Variants in PDE7B observed in about 807,000 individuals in gnomAD.
PDE7B encodes phosphodiesterase 7B, also known as 3',5'-cyclic-AMP phosphodiesterase 7B.
In PDE7B, 29 loss-of-function variants were observed where a neutral mutation model predicts 56.2. The observed-to-expected ratio is 0.52, with a 90% CI of 0.38 to 0.70. The LOEUF (loss-of-function observed/expected upper bound fraction) is 0.70. Ranked by LOEUF, PDE7B falls within the 30% of genes least tolerant of loss-of-function variation. The probability of loss-of-function intolerance (pLI) is 0.00; values close to 1 mark genes in which losing one functional copy is unlikely to be tolerated. For synonymous variants in PDE7B, 197 were observed against 196.9 expected (o/e 1.00, Z 0.00); for missense variants, 490 against 565.0 (o/e 0.87, Z 1.35).
chr6:136,063,811 C>G (rs771595377), intron 2 of PDE7B, among the ~76,000 whole-genome samples: 1 of 152,116 alleles, frequency 6.6e-6, no homozygotes, highest in Non-Finnish European at 1.5e-5. Context: ...CATATCCAAC[C>G]CTCTCATTTC....
At chr6:135,968,882 A>G (rs1390319307) in intron 2 of PDE7B, among the ~76,000 whole-genome samples, 1 of 152,228 alleles carries the variant, frequency 6.6e-6, no homozygotes, top group Non-Finnish European at 1.5e-5. Context: ...AGATGAAATC[A>G]ACCCAAATGT....
At chr6:135,899,639 T>G (rs1422069262) in intron 1 of PDE7B, among the ~76,000 whole-genome samples, 1 of 151,934 alleles carries the variant, frequency 6.6e-6, no homozygotes, top group Non-Finnish European at 1.5e-5. Flanking sequence ...TATATTTATT[T>G]GTATGTGTAG....
chr6:136,176,662 G>C (rs1367151579), intron 9 of PDE7B, among the ~76,000 whole-genome samples: 1 of 152,018 alleles, frequency 6.6e-6, no homozygotes, highest in Admixed American at 6.6e-5. Flanking sequence ...TAGATGGACT[G>C]TTGGTCAGAT....
At chr6:136,181,941 G>A (rs1331769258) in intron 11 of PDE7B, among the ~76,000 whole-genome samples, 1 of 152,194 alleles carries the variant, frequency 6.6e-6, no homozygotes, top group East Asian at 1.9e-4. Context: ...TTAGCAAGCA[G>A]GATCTTGATG....
intron 2 of PDE7B, among the ~76,000 whole-genome samples, chr6:136,052,444 C>T (rs1430349568): frequency 6.6e-6 from 1 of 152,122 alleles, no homozygotes; most frequent in Non-Finnish European, 1.5e-5. Context: ...AGAGGTGAAC[C>T]AGCTGGGGAG....
At chr6:136,150,716 T>C (rs551774758) in intron 5 of PDE7B, among the ~76,000 whole-genome samples, 8 of 152,348 alleles carry the variant, frequency 5.3e-5, no homozygotes, top group African/African-American at 1.7e-4. Flanking sequence ...TGATTTTCCA[T>C]AGGAAGAAGA....
chr6:136,094,664 T>G (rs1419094520), intron 2 of PDE7B: 4 of 152,248 alleles, frequency 2.6e-5, no homozygotes, highest in Admixed American at 2.6e-4. Context: ...TAGAGGGCAA[T>G]TTACTTATTG....
chr6:135,948,656 CTA>C (rs1294761462), intron 2 of PDE7B, among the ~76,000 whole-genome samples: 2 of 151,684 alleles, frequency 1.3e-5, no homozygotes, highest in Non-Finnish European at 2.9e-5. Flanking sequence ...CTTTGCAGTT[CTA>C]TGTTTTTATT....
rs192947582 is a variant in PDE7B at position 135,853,736 on chromosome 6, T to A, written c.21+1717T>A. Among the ~76,000 whole-genome samples, 422 of 152,058 alleles carry A rather than the reference T, an allele frequency of 2.8e-3. 1 individual carries two copies. Among genetic ancestry groups the A allele is most frequent in the African/African-American group, 9.9e-3 (408 of 41,378 alleles). Reference sequence around the variant, plus strand: ...AATTAGCTGGGAGAATTTTTTTTTTTAATTAAGTTATTTAGGGCAAGGGTG... The same window carrying A: ...AATTAGCTGGGAGAATTTTTTTTTTAAATTAAGTTATTTAGGGCAAGGGTG... On this transcript the variant is annotated intron_variant, in intron 1 of 12. Transcript: ENST00000308191.
chr6:135,875,232 C>G (rs2128187516), intron 1 of PDE7B, among the ~76,000 whole-genome samples: 1 of 151,820 alleles, frequency 6.6e-6, no homozygotes, highest in Non-Finnish European at 1.5e-5. Context: ...TTTATTTATT[C>G]ACATCTAACT....
intron 2 of PDE7B, among the ~76,000 whole-genome samples, chr6:136,057,894 G>A (rs1032994845): frequency 6.6e-6 from 1 of 151,922 alleles, no homozygotes; most frequent in African/African-American, 2.4e-5. Flanking sequence ...GCACCACCTC[G>A]CCTGACTAAT....
At chr6:135,984,216 T>C (rs1269822021) in intron 2 of PDE7B, among the ~76,000 whole-genome samples, 2 of 152,228 alleles carry the variant, frequency 1.3e-5, no homozygotes, top group Non-Finnish European at 2.9e-5. Flanking sequence ...GTGACGCATA[T>C]TGGAGTCTCT....
intron 1 of PDE7B, among the ~76,000 whole-genome samples, chr6:135,900,835 G>C (rs1345273126): frequency 6.6e-6 from 1 of 151,988 alleles, no homozygotes; most frequent in Non-Finnish European, 1.5e-5. Context: ...TTTCAGTGTT[G>C]ATCGTGGCAG....
intron 9 of PDE7B, 27 bp downstream of exon 9, chr6:136,173,915 T>G: frequency 6.7e-7 from 1 of 1,485,816 alleles, no homozygotes; most frequent in Non-Finnish European, 9.4e-7. Flanking sequence ...TGAAACATAC[T>G]GATGTGCATG....
chr6:136,142,277 C>G (rs1002059495), intron 3 of PDE7B, among the ~76,000 whole-genome samples: 7 of 152,282 alleles, frequency 4.6e-5, no homozygotes, highest in African/African-American at 1.4e-4. Context: ...GAGTGAGTTT[C>G]TTAATCCTGA....
chr6:136,139,572 T>C (rs974702640), intron 3 of PDE7B, among the ~76,000 whole-genome samples: 2 of 152,182 alleles, frequency 1.3e-5, no homozygotes, highest in African/African-American at 4.8e-5. Flanking sequence ...TTGAACTAGT[T>C]TACAGTCCCA....
At chr6:135,919,666 C>A (rs994096345) in intron 1 of PDE7B, among the ~76,000 whole-genome samples, 1 of 152,174 alleles carries the variant, frequency 6.6e-6, no homozygotes, top group Non-Finnish European at 1.5e-5. Context: ...AGAAGCAGCA[C>A]AAAATAGAAG....
chr6:136,106,026 A>G lies in PDE7B; in HGVS notation c.83-2705A>G, dbSNP rs1006004598. ...TCCACAAGCCCAGCCAGCTTTGTAG[A>G]TAAAATCTATACAGTTCCTCTTTGG... On this transcript the variant is annotated intron_variant, in intron 2 of 12. Coordinates refer to ENST00000308191, the MANE Select transcript of PDE7B (RefSeq NM_018945.4). Among the ~76,000 whole-genome samples the G allele has an allele frequency of 9.9e-5, 15 of 152,020 alleles. No individual in the cohort carries two copies. In the South Asian group the frequency reaches 1.5e-3, roughly 15 times the overall value.
intron 1 of PDE7B, among the ~76,000 whole-genome samples, chr6:135,935,218 T>TATTTATATATATATATATATATATA (rs1457746105): frequency 2.9e-5 from 1 of 34,726 alleles, no homozygotes; most frequent in Non-Finnish European, 5.0e-5. Context: ...ATATATATAT[T>TATTTATATATATATATATATATATA]TTCATGATTC....
Sources: allele counts gnomAD v4.1 joint callset (sites outside exome capture counted in the v4.1 genomes callset), GRCh38; gene constraint gnomAD v4.1.1; transcripts MANE v1.5; gene names NCBI Gene and HGNC (gene_info 2026-07-23, HGNC 2026-07-21).